Variants in ST6GALNAC3 observed in about 807,000 individuals in gnomAD.
The protein encoded by ST6GALNAC3 is alpha-N-acetylgalactosaminide alpha-2,6-sialyltransferase 3.
A neutral mutation model predicts 32.7 loss-of-function variants in ST6GALNAC3; 25 were observed. That is an observed-to-expected ratio of 0.76 (90% CI 0.56 to 1.07). The LOEUF (loss-of-function observed/expected upper bound fraction) is 1.07. Among genes scored for constraint, ST6GALNAC3 ranks in the 50% least tolerant of loss-of-function variants. The pLI, the probability that ST6GALNAC3 is intolerant of heterozygous loss-of-function variation, is 0.00. For missense variants in ST6GALNAC3, 355 were observed against 382.4 expected, an observed-to-expected ratio of 0.93 and a Z score of 0.60; for synonymous variants, 129 against 133.1, an observed-to-expected ratio of 0.97 and a Z score of 0.21.
At chr1:76,368,189 G>A (rs892269660) in intron 2 of ST6GALNAC3, among the ~76,000 whole-genome samples, 13 of 152,024 alleles carry the variant, frequency 8.6e-5, no homozygotes, top group Admixed American at 4.6e-4. Context: ...CTCTGCCGTC[G>A]TAGAGAAAAC....
chr1:76,391,045 T>C (rs1652502658), intron 2 of ST6GALNAC3, among the ~76,000 whole-genome samples: 1 of 151,136 alleles, frequency 6.6e-6, no homozygotes, highest in South Asian at 2.1e-4. Context: ...GATCACGCCA[T>C]TCTCCTGCCT....
In ST6GALNAC3 at chr1:76,138,991, G is replaced by T. The variant is rs1020740337; in HGVS notation, c.18+64107G>T. Reference sequence around the variant, plus strand: ...GGGCGGATTACGAGGTCAGGAGATCGAGACCATCCTGGCTAACACGGTGAA... The same window carrying T: ...GGGCGGATTACGAGGTCAGGAGATCTAGACCATCCTGGCTAACACGGTGAA... On this transcript the variant is annotated intron_variant, in intron 1 of 4. Transcript: ENST00000328299. Among the ~76,000 whole-genome samples, 6 of 152,026 alleles carry T rather than the reference G, an allele frequency of 3.9e-5. No homozygotes were observed. In the East Asian group the frequency reaches 1.2e-3, roughly 29 times the overall value.
At chr1:76,283,548 A>G (rs1252824936) in intron 1 of ST6GALNAC3, among the ~76,000 whole-genome samples, 3 of 152,204 alleles carry the variant, frequency 2.0e-5, no homozygotes, top group Non-Finnish European at 2.9e-5. Context: ...CAAGGAATAT[A>G]AAGAAAATCT....
At chr1:76,462,117 T>TC (rs1557441811) in intron 3 of ST6GALNAC3, among the ~76,000 whole-genome samples, 1 of 151,696 alleles carries the variant, frequency 6.6e-6, no homozygotes, top group Non-Finnish European at 1.5e-5. Flanking sequence ...CCTGTCCCCA[T>TC]CCCCCCAGCC....
intron 1 of ST6GALNAC3, chr1:76,310,043 AC>A (rs1646728760): frequency 2.1e-6 from 1 of 473,416 alleles, no homozygotes; most frequent in Non-Finnish European, 4.2e-6. Context: ...TTGTCCCCAA[AC>A]CCCCAGCCAT....
chr1:76,441,985 G>A (rs1194275460), intron 3 of ST6GALNAC3, among the ~76,000 whole-genome samples: 1 of 152,174 alleles, frequency 6.6e-6, no homozygotes, highest in Non-Finnish European at 1.5e-5. Flanking sequence ...CAGAGGCTTT[G>A]TGAGCTTATT....
At chr1:76,390,732 C>T (rs1440905740) in intron 2 of ST6GALNAC3, among the ~76,000 whole-genome samples, 6 of 151,958 alleles carry the variant, frequency 3.9e-5, no homozygotes. Context: ...AAAACAGAAA[C>T]CTGTCTAGAA....
intron 2 of ST6GALNAC3, among the ~76,000 whole-genome samples, chr1:76,368,576 A>G (rs1650571424): frequency 6.6e-6 from 1 of 151,960 alleles, no homozygotes. Flanking sequence ...AAGGGTAGAA[A>G]TCTGCTTCCC....
chr1:76,391,675 T>C (rs1652578014), intron 2 of ST6GALNAC3, among the ~76,000 whole-genome samples: 1 of 151,172 alleles, frequency 6.6e-6, no homozygotes, highest in Non-Finnish European at 1.5e-5. Context: ...CATCCAACTA[T>C]CCCTACCTCT....
intron 3 of ST6GALNAC3, among the ~76,000 whole-genome samples, chr1:76,549,458 A>G (rs1414501734): frequency 6.6e-6 from 1 of 151,268 alleles, no homozygotes; most frequent in African/African-American, 2.4e-5. Flanking sequence ...GTATAAAATT[A>G]TATAGATTAT....
chr1:76,136,455 G>C (rs1224738877), intron 1 of ST6GALNAC3, among the ~76,000 whole-genome samples: 1 of 152,024 alleles, frequency 6.6e-6, no homozygotes, highest in Non-Finnish European at 1.5e-5. Context: ...CTAATTAAGT[G>C]GCGTCTTCTG....
At chr1:76,506,694 G>T (rs1026572726) in intron 3 of ST6GALNAC3, among the ~76,000 whole-genome samples, 23 of 152,148 alleles carry the variant, frequency 1.5e-4, no homozygotes, top group African/African-American at 5.5e-4. Flanking sequence ...GGCGTTTCAG[G>T]TTCCAGGCAG....
At chr1:76,159,739 T>C (rs770005972) in intron 1 of ST6GALNAC3, among the ~76,000 whole-genome samples, 4 of 152,206 alleles carry the variant, frequency 2.6e-5, no homozygotes, top group Admixed American at 2.0e-4. Flanking sequence ...CAACATAATG[T>C]CTGAAAGATA....
chr1:76,100,452 A>C (rs752325482), intron 1 of ST6GALNAC3, among the ~76,000 whole-genome samples: 2 of 152,166 alleles, frequency 1.3e-5, no homozygotes, highest in East Asian at 3.8e-4. Flanking sequence ...AAATTATTAT[A>C]TGTATTTTCT....
At chr1:76,198,545 G>A (rs1012171166) in intron 1 of ST6GALNAC3, among the ~76,000 whole-genome samples, 1 of 152,192 alleles carries the variant, frequency 6.6e-6, no homozygotes, top group African/African-American at 2.4e-5. Context: ...AGACAACTAT[G>A]TACACTTAAG....
intron 1 of ST6GALNAC3, among the ~76,000 whole-genome samples, chr1:76,211,200 G>T (rs1655137393): frequency 6.6e-6 from 1 of 152,138 alleles, no homozygotes; most frequent in South Asian, 2.1e-4. Context: ...CATCATCACT[G>T]GCCATCAGAG....
At chr1:76,610,514 G>C (rs1432077039) in intron 3 of ST6GALNAC3, among the ~76,000 whole-genome samples, 1 of 152,154 alleles carries the variant, frequency 6.6e-6, no homozygotes, top group Non-Finnish European at 1.5e-5. Context: ...TGTCCCTGAG[G>C]CTGGGAACAA....
chr1:76,566,635 A>G (rs1665570468), intron 3 of ST6GALNAC3, among the ~76,000 whole-genome samples: 1 of 152,008 alleles, frequency 6.6e-6, no homozygotes, highest in Non-Finnish European at 1.5e-5. Context: ...ATCCTGCCAA[A>G]TGTCACCTAA....
chr1:76,158,388 A>G (rs1651600227), intron 1 of ST6GALNAC3, among the ~76,000 whole-genome samples: 1 of 152,226 alleles, frequency 6.6e-6, no homozygotes, highest in African/African-American at 2.4e-5. Flanking sequence ...TAGCGATTTG[A>G]AACCCAGAGC....
Sources: allele counts gnomAD v4.1 joint callset (sites outside exome capture counted in the v4.1 genomes callset), GRCh38; gene constraint gnomAD v4.1.1; transcripts MANE v1.5; gene names NCBI Gene and HGNC (gene_info 2026-07-23, HGNC 2026-07-21).